Variants in SFXN1 observed in about 807,000 individuals in gnomAD.
The protein encoded by SFXN1 is sideroflexin-1.
Under a neutral mutation model 39.5 loss-of-function variants are expected in SFXN1, and 32 were observed. That is an observed-to-expected ratio of 0.81 (90% CI 0.61 to 1.09). The LOEUF is 1.09. SFXN1 is among the 50% of genes least tolerant of loss of function. The pLI is 0.00. For missense variants in SFXN1, 402 were observed against 407.1 expected, an observed-to-expected ratio of 0.99 and a Z score of 0.11; for synonymous variants, 136 against 146.5, an observed-to-expected ratio of 0.93 and a Z score of 0.52.
Position 175,482,569 on chromosome 5 carries a change from G to C in SFXN1, c.-10+3930G>C, listed in dbSNP as rs1759291078. 5.9e-5 allele frequency among the ~76,000 whole-genome samples: 9 copies of C among 152,296 alleles called. No individual in the cohort carries two copies. In the South Asian group the frequency reaches 1.9e-3, roughly 32 times the overall value. On this transcript the variant is annotated intron_variant, in intron 1 of 10. Transcript: ENST00000321442. Reference sequence around the variant, plus strand: ...GAGCTGCATTTATGCACGGGACTGTGGCCAGTGAGGACAGGAGCTTCCACT... The same window carrying C: ...GAGCTGCATTTATGCACGGGACTGTCGCCAGTGAGGACAGGAGCTTCCACT...
intron 7 of SFXN1, 53 bp from the exon 8 acceptor site, chr5:175,516,561 A>G: frequency 6.6e-7 from 1 of 1,511,926 alleles, no homozygotes; most frequent in Non-Finnish European, 9.0e-7. Flanking sequence ...AAAAAAAGTA[A>G]GCTGAAAATT....
chr5:175,505,663 G>C (rs937353), intron 2 of SFXN1, among the ~76,000 whole-genome samples: 37,686 of 151,742 alleles, frequency 0.25, 6,454 homozygotes, highest in African/African-American at 0.48. Context: ...CTCTACCCAA[G>C]ATTAAAATTG....
At chr5:175,524,124 AAATATATATATATATATATATATATATAT>A (rs1211559306) in intron 10 of SFXN1, 11 of 25,040 alleles carry the variant, frequency 4.4e-4, no homozygotes, top group South Asian at 2.0e-3. Context: ...AAAAAAAAAA[AAATATATATATATATATATATATATATAT>A]ATATATATAT....
chr5:175,510,664 A>G (rs1760480342), intron 4 of SFXN1, among the ~76,000 whole-genome samples: 1 of 152,174 alleles, frequency 6.6e-6, no homozygotes, highest in East Asian at 1.9e-4. Context: ...TATATCTGAT[A>G]TGTTTTTAAA....
At chr5:175,502,673 C>T (rs1395586207) in intron 2 of SFXN1, among the ~76,000 whole-genome samples, 7 of 151,936 alleles carry the variant, frequency 4.6e-5, no homozygotes, top group Admixed American at 1.3e-4. Flanking sequence ...AACCATGTCT[C>T]TACTAAAAAT....
intron 2 of SFXN1, among the ~76,000 whole-genome samples, chr5:175,508,753 T>G (rs190570276): frequency 2.8e-4 from 43 of 152,266 alleles, no homozygotes; most frequent in Admixed American, 6.5e-4. Context: ...TTCTCTTGCC[T>G]TAGCCTCCTG....
chr5:175,521,954 GT>G lies in SFXN1; in HGVS notation c.812del (p.Leu271Ter). The G allele has an allele frequency of 6.2e-7, 1 of 1,602,988 alleles. No individual in the cohort carries two copies. The highest frequency in any genetic ancestry group is 1.1e-5 in the South Asian group (1 of 89,028). ...PWMSAPIQVG[L>X]VGFCLVFATP... ...GGATGAGTGCACCCATTCAAGTTGGGTTAGTTGGCTTCTGGTGAGTAGAAAT... is the reference window on the plus strand; with the variant it reads ...GGATGAGTGCACCCATTCAAGTTGGGTAGTTGGCTTCTGGTGAGTAGAAAT... On this transcript the variant is annotated frameshift_variant, in exon 9 of 11. Coordinates refer to ENST00000321442, the MANE Select transcript of SFXN1 (RefSeq NM_022754.7). LOFTEE classifies it high-confidence loss of function.
intron 1 of SFXN1, among the ~76,000 whole-genome samples, chr5:175,486,185 A>G (rs897016540): frequency 6.7e-6 from 1 of 150,216 alleles, no homozygotes; most frequent in Non-Finnish European, 1.5e-5. Context: ...AAAGGAAAAA[A>G]GTGGGGGGGC....
chr5:175,507,520 T>A (rs771390392), intron 2 of SFXN1, among the ~76,000 whole-genome samples: 1 of 152,198 alleles, frequency 6.6e-6, no homozygotes, highest in Non-Finnish European at 1.5e-5. Context: ...TGAAAATACA[T>A]GCATGAAAAC....
At position 175,513,535 on chromosome 5, in the gene SFXN1, A is replaced by T. The variant is rs767957784; in HGVS notation, c.669A>T (p.Lys223Asn). 6 of 1,613,848 alleles carry T rather than the reference A, an allele frequency of 3.7e-6. No homozygotes were observed. Among genetic ancestry groups the T allele is most frequent in the Non-Finnish European group, 5.1e-6 (6 of 1,179,942 alleles). Residue 223 changes from lysine (K) to asparagine (N), a missense_variant, in exon 7 of 11, where the codon AAA becomes AAT. Lys to Asn is a moderately conservative substitution (Grantham distance 94). Transcript: ENST00000321442. ...TGGGGGAGTCGGCGAACGCTGCGAA[A>T]CAAGCCATCACGCAAGTTGTCGTGT... ...NRLGESANAAKQAITQVVVSR... is the reference protein window; with the variant it reads ...NRLGESANAANQAITQVVVSR...
chr5:175,504,039 T>A, intron 2 of SFXN1, among the ~76,000 whole-genome samples: 3 of 131,496 alleles, frequency 2.3e-5, no homozygotes, highest in African/African-American at 5.8e-5. Flanking sequence ...ATGGAATACT[T>A]AAAGAAAGAA....
chr5:175,511,527 G>A lies in SFXN1; in HGVS notation c.510+1G>A, dbSNP rs1445211663. On this transcript the variant is annotated splice_donor_variant, in intron 5 of 10. Transcript: ENST00000321442. LOFTEE classifies it high-confidence loss of function. The stretch of plus-strand genomic sequence containing the variant: ...TCTAGGACTCAATGCATTGACCAAG[G>A]TACTCAGATTTTTATTTCCATAATA... The A allele has an allele frequency of 3.1e-6, 5 of 1,612,080 alleles. No homozygotes were observed. The highest frequency in any genetic ancestry group is 1.3e-5 in the African/African-American group (1 of 74,830).
intron 2 of SFXN1, among the ~76,000 whole-genome samples, chr5:175,494,612 C>T (rs61655921): frequency 0.16 from 24,511 of 151,752 alleles, 2,084 homozygotes; most frequent in South Asian, 0.35. Flanking sequence ...ATTAGCTGGG[C>T]GTGGTGGTGC....
intron 2 of SFXN1, among the ~76,000 whole-genome samples, chr5:175,493,522 A>G (rs1022716782): frequency 5.3e-5 from 8 of 152,212 alleles, no homozygotes; most frequent in African/African-American, 1.9e-4. Flanking sequence ...TAAAGAGGGA[A>G]TACACAAACA....
rs1343429058 is a variant in SFXN1, at chr5:175,527,106, CTG to C, written c.*374_*375del. The C allele has an allele frequency of 1.7e-5, 3 of 174,240 alleles. No individual in the cohort carries two copies. The highest frequency in any genetic ancestry group is 3.6e-5 in the Non-Finnish European group (3 of 82,380). 10.8% of individuals were successfully genotyped at this position (174,240 alleles called of 1,614,324 possible). On this transcript the variant is annotated 3_prime_UTR_variant, in exon 11 of 11. Transcript: ENST00000321442. ...ATTATCAATCAGTGAAAAAAGAAATCTGTTTAAAATACTGAATTTTCATCTCA... is the reference window on the plus strand; with the variant it reads ...ATTATCAATCAGTGAAAAAAGAAATCTTTAAAATACTGAATTTTCATCTCA...
At chr5:175,519,066 C>T (rs1340077121) in intron 8 of SFXN1, among the ~76,000 whole-genome samples, 2 of 152,350 alleles carry the variant, frequency 1.3e-5, no homozygotes, top group Middle Eastern at 3.4e-3. Flanking sequence ...TGAACAGACA[C>T]TCTACCAAGT....
intron 10 of SFXN1, chr5:175,524,122 AAAAATAT>A (rs1760975624): frequency 1.3e-4 from 4 of 30,460 alleles, no homozygotes; most frequent in East Asian, 1.0e-3. Flanking sequence ...AAAAAAAAAA[AAAAATAT>A]ATATATATAT....
chr5:175,526,793 G>A lies in SFXN1; in HGVS notation c.*59G>A, dbSNP rs924957101. 1.4e-6 allele frequency: 2 copies of A among 1,428,472 alleles called. No individual in the cohort carries two copies. The highest frequency in any genetic ancestry group is 3.4e-5 in the Admixed American group (2 of 58,418). 88.5% of individuals were successfully genotyped at this position (1,428,472 alleles called of 1,614,324 possible). A position where few individuals can be genotyped will look rare whatever the true frequency, so the allele number is the denominator to read the frequency against. The stretch of plus-strand genomic sequence containing the variant: ...ACTGCAAAGCTGGTGTAGCCATGCT[G>A]GTGAGAAAAATCCTGTTCAACCTGG... On this transcript the variant is annotated 3_prime_UTR_variant, in exon 11 of 11. Transcript: ENST00000321442.
At chr5:175,488,532 C>T (rs1016313380) in intron 1 of SFXN1, among the ~76,000 whole-genome samples, 10 of 152,154 alleles carry the variant, frequency 6.6e-5, no homozygotes, top group Non-Finnish European at 1.5e-4. Flanking sequence ...CTCCTGACCT[C>T]AGGTGATCCG....
Sources: gnomAD v4.1 joint callset for allele counts (sites outside exome capture counted in the v4.1 genomes callset) on GRCh38, gnomAD v4.1.1 for gene constraint, MANE v1.5 for transcripts, NCBI Gene and HGNC (gene_info 2026-07-23, HGNC 2026-07-21) for gene names.